Variants in OR51B5 observed in about 807,000 individuals in gnomAD.
The protein encoded by OR51B5 is olfactory receptor 51B5.
For missense variants in OR51B5, 456 were observed against 374.6 expected (o/e 1.22, Z -1.79); for synonymous variants, 186 against 144.8 (o/e 1.28, Z -2.04).
chr11:5,375,267 A>G (rs1399584892), intron 1 of OR51B5, among the ~76,000 whole-genome samples: 1 of 151,184 alleles, frequency 6.6e-6, no homozygotes, highest in Non-Finnish European at 1.5e-5. Flanking sequence ...AAAATACTTT[A>G]CAGACAAGCA....
chr11:5,407,821 T>G (rs1443081208), intron 1 of OR51B5, among the ~76,000 whole-genome samples: 2 of 152,068 alleles, frequency 1.3e-5, no homozygotes, highest in Admixed American at 6.6e-5. Context: ...AGCAAATAAT[T>G]TATTTTTAAT....
chr11:5,389,927 G>A (rs747752747), intron 1 of OR51B5: 6 of 1,611,326 alleles, frequency 3.7e-6, no homozygotes, highest in African/African-American at 1.3e-5. Flanking sequence ...CCTCCTGAAG[G>A]CTTTTCCCTA....
chr11:5,493,071 G>A (rs1431523853), intron 1 of OR51B5, among the ~76,000 whole-genome samples: 3 of 152,140 alleles, frequency 2.0e-5, no homozygotes, highest in Non-Finnish European at 2.9e-5. Context: ...ATGGCTGAAT[G>A]GAAAAGACAT....
intron 1 of OR51B5, among the ~76,000 whole-genome samples, chr11:5,363,163 G>A (rs577836643): frequency 6.6e-6 from 1 of 151,708 alleles, no homozygotes; most frequent in African/African-American, 2.4e-5. Flanking sequence ...TTTACGAACA[G>A]AATGATTAGT....
intron 1 of OR51B5, among the ~76,000 whole-genome samples, chr11:5,481,929 C>G (rs1357826842): frequency 7.6e-6 from 1 of 131,818 alleles, no homozygotes; most frequent in Non-Finnish European, 1.5e-5. Context: ...GGCCATACTG[C>G]CCAAGGTAAT....
At chr11:5,399,413 T>G (rs945468457) in intron 1 of OR51B5, among the ~76,000 whole-genome samples, 2 of 152,214 alleles carry the variant, frequency 1.3e-5, no homozygotes, top group East Asian at 1.9e-4. Context: ...ATTAAATATT[T>G]AGAGCCAGTC....
At chr11:5,499,971 C>T (rs866101969) in intron 1 of OR51B5, among the ~76,000 whole-genome samples, 19 of 152,190 alleles carry the variant, frequency 1.2e-4, no homozygotes, top group African/African-American at 4.6e-4. Context: ...CAAAGAATTG[C>T]CTTTTATTTT....
At position 5,488,695 on chromosome 11, in the gene OR51B5, T is replaced by C. The variant is rs767167633; in HGVS notation, n.84+16874A>G. On this transcript the variant is annotated intron_variant and non_coding_transcript_variant, in intron 1 of 4. Transcript: ENST00000415970. ...ATACTATTCAGAAAGAGCCCTTCAT[T>C]TGCCAGGAAGAATGTCAGATTCCAA... 5 of 1,583,290 alleles carry C rather than the reference T, an allele frequency of 3.2e-6. No homozygotes were observed. The African/African-American group carries it at 6.7e-5, about 21-fold the overall frequency.
intron 1 of OR51B5, among the ~76,000 whole-genome samples, chr11:5,386,408 T>C (rs577899202): frequency 6.6e-6 from 1 of 152,324 alleles, no homozygotes; most frequent in East Asian, 1.9e-4. Context: ...GATGATTGTT[T>C]ACCTTTTTGT....
At position 5,448,491 on chromosome 11, in the gene OR51B5, T is replaced by C. The variant is rs567139758; in HGVS notation, n.84+57078A>G. 5.3e-5 allele frequency among the ~76,000 whole-genome samples: 8 copies of C among 152,316 alleles called. No homozygotes were observed. In the East Asian group the frequency reaches 1.5e-3, roughly 29 times the overall value. ...GATGGCACGGTGTTGTCTTATGTCC[T>C]ATCCAAAAGACTGCAAGATTCCACA... On this transcript the variant is annotated intron_variant and non_coding_transcript_variant, in intron 1 of 4. Transcript: ENST00000415970.
chr11:5,379,793 C>T (rs1215826134), intron 1 of OR51B5, among the ~76,000 whole-genome samples: 1 of 152,044 alleles, frequency 6.6e-6, no homozygotes, highest in African/African-American at 2.4e-5. Context: ...ATATGGTGGA[C>T]AGCTTGATAC....
chr11:5,404,359 CTG>C (rs1407523116), intron 1 of OR51B5, among the ~76,000 whole-genome samples: 1 of 152,144 alleles, frequency 6.6e-6, no homozygotes, highest in East Asian at 1.9e-4. Flanking sequence ...CCAATCAGCG[CTG>C]TGTGTCTAGC....
intron 1 of OR51B5, among the ~76,000 whole-genome samples, chr11:5,470,574 G>A (rs889220541): frequency 6.6e-6 from 1 of 152,150 alleles, no homozygotes; most frequent in Non-Finnish European, 1.5e-5. Flanking sequence ...ACTTCCAAAT[G>A]TAAGAGTTCA....
chr11:5,503,517 A>T (rs1026475692), intron 1 of OR51B5, among the ~76,000 whole-genome samples: 2 of 152,224 alleles, frequency 1.3e-5, no homozygotes, highest in African/African-American at 4.8e-5. Context: ...TTTATAATAA[A>T]AAGCCAATCA....
chr11:5,492,570 TC>T (rs2133816057), intron 1 of OR51B5, among the ~76,000 whole-genome samples: 1 of 152,296 alleles, frequency 6.6e-6, no homozygotes, highest in Admixed American at 6.5e-5. Context: ...AGACACACTT[TC>T]TGTTCACCTG....
rs772270486 is a variant in OR51B5, at chr11:5,343,328, G to GT, written c.196_197insA (p.Ala66AspfsTer54). On this transcript the variant is annotated frameshift_variant, in exon 1 of 1. Transcript: ENST00000300773. LOFTEE classifies it low-confidence loss of function (END_TRUNC). The stretch of plus-strand genomic sequence containing the variant: ...GGTCAGGGCCAGCCCCAGGTCTGTG[G>GT]CAGCCAGCATGGCCAGAAAGAAGTA... 2.5e-5 allele frequency: 36 copies of GT among 1,455,948 alleles called. No homozygotes were observed. The highest frequency in any genetic ancestry group is 1.7e-4 in the Middle Eastern group (1 of 5,778). 90.2% of individuals were successfully genotyped at this position (1,455,948 alleles called of 1,614,324 possible). A position where few individuals can be genotyped will look rare whatever the true frequency, so the allele number is the denominator to read the frequency against.
chr11:5,409,949 C>G (rs571675848), intron 1 of OR51B5, among the ~76,000 whole-genome samples: 1 of 152,062 alleles, frequency 6.6e-6, no homozygotes, highest in African/African-American at 2.4e-5. Flanking sequence ...AAACAGCTGG[C>G]TTCTCAGTAG....
At chr11:5,404,225 A>G (rs1850023172) in intron 1 of OR51B5, among the ~76,000 whole-genome samples, 1 of 151,990 alleles carries the variant, frequency 6.6e-6, no homozygotes, top group African/African-American at 2.4e-5. Flanking sequence ...AGGATTGTAA[A>G]TGCACCAATC....
chr11:5,453,490 T>C (rs147506036), intron 1 of OR51B5: 1 of 1,533,532 alleles, frequency 6.5e-7, no homozygotes. Flanking sequence ...TGTTTTGCTA[T>C]GGGGTTGTTC....
Sources: gnomAD v4.1 joint callset for allele counts (sites outside exome capture counted in the v4.1 genomes callset) on GRCh38, gnomAD v4.1.1 for gene constraint, MANE v1.5 for transcripts, NCBI Gene and HGNC (gene_info 2026-07-23, HGNC 2026-07-21) for gene names.